Variants in TMEM132C observed in about 807,000 individuals in gnomAD.
The protein encoded by TMEM132C is protein phosphatase 1, regulatory subunit 152.
TMEM132C carries 29 observed loss-of-function variants against 61.4 expected under a neutral mutation model. The observed-to-expected ratio is 0.47, with a 90% confidence interval of 0.35 to 0.64. The LOEUF is 0.64. Among genes scored for constraint, TMEM132C ranks in the 30% least tolerant of loss-of-function variants. The pLI, the probability that TMEM132C is intolerant of heterozygous loss-of-function variation, is 0.00. For missense variants in TMEM132C, 1,408 were observed against 1,476.9 expected (o/e 0.95, Z 0.76); for synonymous variants, 656 against 633.1 (o/e 1.04, Z -0.54).
At chr12:128,355,182 TAGAG>T (rs1039614826) in intron 1 of TMEM132C, among the ~76,000 whole-genome samples, 5 of 152,130 alleles carry the variant, frequency 3.3e-5, no homozygotes, top group Non-Finnish European at 5.9e-5. Flanking sequence ...AGGATTGAAA[TAGAG>T]AGGCCTCCAT....
chr12:128,285,761 T>C (rs1214913217), intron 1 of TMEM132C, among the ~76,000 whole-genome samples: 11 of 24,020 alleles, frequency 4.6e-4, no homozygotes, highest in African/African-American at 1.1e-3. Context: ...CTCTCTCCCT[T>C]TCTCTCTTTC....
chr12:128,487,603 GTATATA>G (rs35552118), intron 2 of TMEM132C, among the ~76,000 whole-genome samples: 5,126 of 136,586 alleles, frequency 0.038, 138 homozygotes, highest in African/African-American at 0.063. Context: ...GTGTGTGTGG[GTATATA>G]TATATATATA....
chr12:128,298,950 A>G (rs1307508156), intron 1 of TMEM132C, among the ~76,000 whole-genome samples: 1 of 152,046 alleles, frequency 6.6e-6, no homozygotes, highest in African/African-American at 2.4e-5. Context: ...ATTTGGTTGT[A>G]TGTACTATCA....
chr12:128,395,096 C>T (rs1874899605), intron 1 of TMEM132C, among the ~76,000 whole-genome samples: 1 of 151,434 alleles, frequency 6.6e-6, no homozygotes, highest in Non-Finnish European at 1.5e-5. Context: ...TATATACAAT[C>T]ATAGCGTTGT....
intron 5 of TMEM132C, among the ~76,000 whole-genome samples, chr12:128,692,100 C>G (rs1013919773): frequency 2.0e-5 from 3 of 151,972 alleles, no homozygotes; most frequent in African/African-American, 4.8e-5. Flanking sequence ...TGTGTCTGTC[C>G]ATCAGTGTGT....
intron 1 of TMEM132C, among the ~76,000 whole-genome samples, chr12:128,352,494 A>G (rs949911101): frequency 6.6e-6 from 1 of 152,236 alleles, no homozygotes; most frequent in African/African-American, 2.4e-5. Context: ...CAACCAAATC[A>G]TCTCACTTAG....
chr12:128,660,692 C>A (rs1443725266), intron 4 of TMEM132C, among the ~76,000 whole-genome samples: 3 of 152,208 alleles, frequency 2.0e-5, no homozygotes, highest in Non-Finnish European at 4.4e-5. Flanking sequence ...GCCCATGTGC[C>A]CACGACCTTG....
intron 1 of TMEM132C, among the ~76,000 whole-genome samples, chr12:128,358,167 G>A (rs911933361): frequency 4.6e-5 from 7 of 152,124 alleles, no homozygotes; most frequent in African/African-American, 1.4e-4. Context: ...CTTTCTGGAA[G>A]TTTCACAGGG....
chr12:128,706,331 C>A lies in TMEM132C; in HGVS notation c.*36C>A. On this transcript the variant is annotated 3_prime_UTR_variant, in exon 9 of 9. Transcript: ENST00000435159. Reference sequence around the variant, plus strand: ...CCAAAGGGCCCTGCCCAGATGCCTTCCTTGTACTGGAAACTGGCCCAAGTG... The same window carrying A: ...CCAAAGGGCCCTGCCCAGATGCCTTACTTGTACTGGAAACTGGCCCAAGTG... 6.8e-7 allele frequency: 1 copy of A among 1,466,634 alleles called. No homozygotes were observed. Among genetic ancestry groups the A allele is most frequent in the South Asian group, 1.4e-5 (1 of 71,056 alleles). 90.9% of individuals were successfully genotyped at this position (1,466,634 alleles called of 1,614,324 possible). A position where few individuals can be genotyped will look rare whatever the true frequency, so the allele number is the denominator to read the frequency against.
chr12:128,615,312 T>G (rs967077239), intron 3 of TMEM132C, among the ~76,000 whole-genome samples: 1 of 152,186 alleles, frequency 6.6e-6, no homozygotes, highest in Non-Finnish European at 1.5e-5. Context: ...AGGATGGTTT[T>G]GGGATGATTC....
At chr12:128,667,132 TA>T (rs1468822982) in intron 4 of TMEM132C, among the ~76,000 whole-genome samples, 1 of 152,142 alleles carries the variant, frequency 6.6e-6, no homozygotes, top group Non-Finnish European at 1.5e-5. Context: ...CATACACATA[TA>T]CATATATGTC....
intron 2 of TMEM132C, among the ~76,000 whole-genome samples, chr12:128,456,432 G>C (rs909388609): frequency 3.0e-5 from 2 of 66,108 alleles, no homozygotes; most frequent in African/African-American, 9.8e-5. Context: ...TTTTAGCAAA[G>C]GTCTTGCTCT....
Position 128,705,927 on chromosome 12 carries a change from G to GCAC in TMEM132C, c.2960_2961insACC (p.Pro990dup). The GCAC allele has an allele frequency of 3.9e-6, 6 of 1,551,454 alleles. No individual in the cohort carries two copies. Among genetic ancestry groups the GCAC allele is most frequent in the Non-Finnish European group, 5.2e-6 (6 of 1,146,962 alleles). On this transcript the variant is annotated inframe_insertion, in exon 9 of 9. Transcript: ENST00000435159. Reference sequence around the variant, plus strand: ...CGAACTCCTGGAGAGCATGGGGGATGCGCCGCCGCCCCAGGACGAGCACAC... The same window carrying GCAC: ...CGAACTCCTGGAGAGCATGGGGGATGCACCGCCGCCGCCCCAGGACGAGCACAC...
intron 3 of TMEM132C, among the ~76,000 whole-genome samples, chr12:128,594,847 C>T (rs573919836): frequency 4.8e-4 from 73 of 152,378 alleles, no homozygotes; most frequent in African/African-American, 1.6e-3. Context: ...ATGCAGGCAG[C>T]TTCCAAGACT....
At chr12:128,283,650 A>G (rs1269122845) in intron 1 of TMEM132C, among the ~76,000 whole-genome samples, 1 of 151,910 alleles carries the variant, frequency 6.6e-6, no homozygotes, top group East Asian at 1.9e-4. Context: ...TCTATTATCT[A>G]ATCTATTTAT....
intron 1 of TMEM132C, among the ~76,000 whole-genome samples, chr12:128,356,888 C>T (rs889080037): frequency 6.6e-6 from 1 of 152,130 alleles, no homozygotes; most frequent in East Asian, 1.9e-4. Context: ...TTATTTCTAC[C>T]TTAAATAGAG....
chr12:128,287,591 AC>A (rs1293321898), intron 1 of TMEM132C, among the ~76,000 whole-genome samples: 1 of 152,152 alleles, frequency 6.6e-6, no homozygotes, highest in African/African-American at 2.4e-5. Context: ...CACACATTAT[AC>A]CTCTATCATG....
At chr12:128,482,295 G>C (rs1461706896) in intron 2 of TMEM132C, among the ~76,000 whole-genome samples, 1 of 152,192 alleles carries the variant, frequency 6.6e-6, no homozygotes, top group South Asian at 2.1e-4. Context: ...GAGTGAGGAC[G>C]AAAGCACTGG....
chr12:128,325,910 G>A (rs1326596191), intron 1 of TMEM132C, among the ~76,000 whole-genome samples: 1 of 152,092 alleles, frequency 6.6e-6, no homozygotes, highest in Non-Finnish European at 1.5e-5. Flanking sequence ...TGCAGGTTCT[G>A]CGGTGGTAGC....
Sources: gnomAD v4.1 joint callset for allele counts (sites outside exome capture counted in the v4.1 genomes callset) on GRCh38, gnomAD v4.1.1 for gene constraint, MANE v1.5 for transcripts, NCBI Gene and HGNC (gene_info 2026-07-23, HGNC 2026-07-21) for gene names.